Variants in KIRREL3 observed in about 807,000 individuals in gnomAD.
The protein encoded by KIRREL3 is kin of IRRE-like protein 3.
KIRREL3 carries 36 observed loss-of-function variants against 89.7 expected under a neutral mutation model. The observed-to-expected ratio is 0.40, with a 90% CI of 0.31 to 0.53. The LOEUF (loss-of-function observed/expected upper bound fraction) is 0.53. KIRREL3 is among the 20% of genes least tolerant of loss of function. The probability of loss-of-function intolerance (pLI) is 0.49; values close to 1 mark genes in which losing one functional copy is unlikely to be tolerated. For synonymous variants in KIRREL3, 445 were observed against 441.4 expected, an observed-to-expected ratio of 1.01 and a Z score of -0.10; for missense variants, 864 against 1,056.6, an observed-to-expected ratio of 0.82 and a Z score of 2.53.
Position 126,868,003 on chromosome 11 carries a change from T to A in KIRREL3, c.55+132452A>T, listed in dbSNP as rs1592250970. 2.1e-5 allele frequency among the ~76,000 whole-genome samples: 3 copies of A among 144,710 alleles called. No individual in the cohort carries two copies. The East Asian group carries it at 6.2e-4, about 30-fold the overall frequency. 94.9% of individuals were successfully genotyped at this position (144,710 alleles called of 152,430 possible). A position where few individuals can be genotyped will look rare whatever the true frequency, so the allele number is the denominator to read the frequency against. ...CCAGACAGCTCCCTGACTTGAGCAC[T>A]TCTCTCTCTTCCCATTATGGAAATG... is the stretch of plus-strand genomic sequence containing the variant. On this transcript the variant is annotated intron_variant, in intron 1 of 16. Coordinates refer to ENST00000525144, the MANE Select transcript of KIRREL3 (RefSeq NM_032531.4).
Position 126,642,163 on chromosome 11 carries a change from T to C in KIRREL3, c.56-79251A>G, listed in dbSNP as rs1457514413. ...AGGGGAGGGACCTCCAACAATCTTG[T>C]TAGTGCATCAAGTAATAGATTTTTG... On this transcript the variant is annotated intron_variant, in intron 1 of 16. Coordinates refer to ENST00000525144, the MANE Select transcript of KIRREL3 (RefSeq NM_032531.4). The surrounding 1 kb of genome is among the most constrained non-coding windows in gnomAD (Gnocchi z 4.9). Among the ~76,000 whole-genome samples the C allele has an allele frequency of 6.6e-6, 1 of 152,194 alleles. No homozygotes were observed. Among genetic ancestry groups the C allele is most frequent in the Non-Finnish European group, 1.5e-5 (1 of 68,018 alleles).
intron 1 of KIRREL3, among the ~76,000 whole-genome samples, chr11:126,874,166 C>T (rs190876078): frequency 6.0e-4 from 91 of 152,310 alleles, no homozygotes; most frequent in African/African-American, 2.1e-3. Context: ...TCCCCATTGG[C>T]ATTAGATCGA....
chr11:126,618,252 G>C (rs781582497), intron 1 of KIRREL3, among the ~76,000 whole-genome samples: 7 of 126,754 alleles, frequency 5.5e-5, no homozygotes, highest in Admixed American at 8.6e-5. Flanking sequence ...GGCCAGGGTG[G>C]TGCTAACTCA....
intron 1 of KIRREL3, among the ~76,000 whole-genome samples, chr11:126,916,384 G>A (rs1030614128): frequency 6.6e-6 from 1 of 152,112 alleles, no homozygotes; most frequent in Admixed American, 6.6e-5. Flanking sequence ...GTAGGCCAAG[G>A]GTGGGCCGCC....
chr11:126,440,582 G>C (rs1955525902), intron 10 of KIRREL3, 33 bp from the exon 11 acceptor site: 1 of 1,546,994 alleles, frequency 6.5e-7, no homozygotes, highest in East Asian at 2.4e-5. Context: ...TAGGCACCCG[G>C]GAAGGGCACG....
At position 126,788,167 on chromosome 11, in the gene KIRREL3, T is replaced by C. The variant is rs920455112; in HGVS notation, c.55+212288A>G. The stretch of plus-strand genomic sequence containing the variant: ...CATTGTGTGCAAAAAGAGTGGGTGA[T>C]GGAGTTGGGCTTGGGACAAATGCAC... On this transcript the variant is annotated intron_variant, in intron 1 of 16. Coordinates refer to ENST00000525144, the MANE Select transcript of KIRREL3 (RefSeq NM_032531.4). This position sits in a 1 kb window ranked among gnomAD's most constrained non-coding sequence, Gnocchi z 4.1. Among the ~76,000 whole-genome samples, 1 of 152,224 alleles carries C rather than the reference T, an allele frequency of 6.6e-6. No individual in the cohort carries two copies. Among genetic ancestry groups the C allele is most frequent in the Non-Finnish European group, 1.5e-5 (1 of 68,034 alleles).
At position 126,978,127 on chromosome 11, in the gene KIRREL3, G is replaced by C. The variant is rs1389117839; in HGVS notation, c.55+22328C>G. On this transcript the variant is annotated intron_variant, in intron 1 of 16. Coordinates refer to ENST00000525144, the MANE Select transcript of KIRREL3 (RefSeq NM_032531.4). This position sits in a 1 kb window ranked among gnomAD's most constrained non-coding sequence, Gnocchi z 4.2. ...CAGGGATAATGGTCAGCACATTGTG[G>C]CGTTGGATTTTTCTGCTACTTAAAT... 6.6e-6 allele frequency among the ~76,000 whole-genome samples: 1 copy of C among 152,146 alleles called. No homozygotes were observed.
In KIRREL3 at chr11:126,429,431, C is replaced by T. The variant is rs1366858905; in HGVS notation, c.1697-143G>A. ...TGAACTCAGCAGCTTCACCAGCCCCCCACCAATAGAACCTCCATATGGAGA... is the reference window on the plus strand; with the variant it reads ...TGAACTCAGCAGCTTCACCAGCCCCTCACCAATAGAACCTCCATATGGAGA... On this transcript the variant is annotated intron_variant, in intron 14 of 16. Coordinates refer to ENST00000525144, the MANE Select transcript of KIRREL3 (RefSeq NM_032531.4). The surrounding 1 kb of genome is among the most constrained non-coding windows in gnomAD (Gnocchi z 5.2). The T allele has an allele frequency of 1.5e-6, 1 of 652,866 alleles. No individual in the cohort carries two copies. The highest frequency in any genetic ancestry group is 2.8e-6 in the Non-Finnish European group (1 of 358,556). 40.4% of individuals were successfully genotyped at this position (652,866 alleles called of 1,614,324 possible). A position where few individuals can be genotyped will look rare whatever the true frequency, so the allele number is the denominator to read the frequency against.
intron 1 of KIRREL3, among the ~76,000 whole-genome samples, chr11:126,901,905 C>T (rs1940001): frequency 0.33 from 49,742 of 152,066 alleles, 8,253 homozygotes; most frequent in Admixed American, 0.43. Flanking sequence ...TCCTAGAGTT[C>T]GCAGCTAAAG....
At chr11:126,869,251 G>T (rs1286197622) in intron 1 of KIRREL3, among the ~76,000 whole-genome samples, 4 of 151,738 alleles carry the variant, frequency 2.6e-5, no homozygotes, top group Non-Finnish European at 4.4e-5. Flanking sequence ...GAGGGAGGTG[G>T]GGGAATGAAC....
At chr11:126,727,237 G>GGCCA (rs1948424321) in intron 1 of KIRREL3, among the ~76,000 whole-genome samples, 1 of 149,612 alleles carries the variant, frequency 6.7e-6, no homozygotes, top group African/African-American at 2.6e-5. Flanking sequence ...TCCCCTTGGA[G>GGCCA]GCCGGCTGGC....
chr11:126,442,577 G>A (rs1206913326), intron 10 of KIRREL3, among the ~76,000 whole-genome samples: 6 of 152,194 alleles, frequency 3.9e-5, no homozygotes, highest in African/African-American at 2.4e-5. Context: ...GGACTGCTGC[G>A]CTGGCCAGCA....
At chr11:126,818,339 T>G (rs1325882371) in intron 1 of KIRREL3, among the ~76,000 whole-genome samples, 1 of 152,128 alleles carries the variant, frequency 6.6e-6, no homozygotes, top group African/African-American at 2.4e-5. Context: ...AGGGAGGCAG[T>G]GTGGCAGAAT....
Position 126,997,930 on chromosome 11 carries a change from T to C in KIRREL3, c.55+2525A>G, listed in dbSNP as rs1950221126. ...AGGCCATCCCCTGGGTCTCTTCACA[T>C]TTCCTGGGAGAGGCATCCCAGCATG... On this transcript the variant is annotated intron_variant, in intron 1 of 16. Coordinates refer to ENST00000525144, the MANE Select transcript of KIRREL3 (RefSeq NM_032531.4). This position sits in a 1 kb window ranked among gnomAD's most constrained non-coding sequence, Gnocchi z 4.3. Among the ~76,000 whole-genome samples the C allele has an allele frequency of 6.6e-6, 1 of 152,142 alleles. No homozygotes were observed. Among genetic ancestry groups the C allele is most frequent in the Non-Finnish European group, 1.5e-5 (1 of 68,016 alleles).
At chr11:126,448,895 C>T (rs1056794508) in intron 8 of KIRREL3, 114 bp downstream of exon 8, 2 of 1,134,098 alleles carry the variant, frequency 1.8e-6, no homozygotes, top group African/African-American at 1.5e-5. Flanking sequence ...ATCCTACGCT[C>T]ATGACGCATG....
Position 126,868,082 on chromosome 11 carries a change from G to A in KIRREL3, c.55+132373C>T, listed in dbSNP as rs528897278. Among the ~76,000 whole-genome samples the A allele has an allele frequency of 1.1e-4, 16 of 149,012 alleles. No individual in the cohort carries two copies. In the East Asian group the frequency reaches 2.8e-3, roughly 26 times the overall value. On this transcript the variant is annotated intron_variant, in intron 1 of 16. Transcript: ENST00000525144. ...TGGGGGTGGGGGGTGGGTGTGAAGC[G>A]GGGGTGGGAGAGCATAGCCAGTTTG...
At position 126,797,808 on chromosome 11, in the gene KIRREL3, C is replaced by T. The variant is rs1950861064; in HGVS notation, c.55+202647G>A. On this transcript the variant is annotated intron_variant, in intron 1 of 16. Coordinates refer to ENST00000525144, the MANE Select transcript of KIRREL3 (RefSeq NM_032531.4). The surrounding 1 kb of genome is among the most constrained non-coding windows in gnomAD (Gnocchi z 4.9). ...ATTTTGTCCTTGTAAATCAGAAGCA[C>T]CGGGAGCAATTTATTTCTAAACATC... Among the ~76,000 whole-genome samples, 1 of 152,106 alleles carries T rather than the reference C, an allele frequency of 6.6e-6. No individual in the cohort carries two copies. Among genetic ancestry groups the T allele is most frequent in the Non-Finnish European group, 1.5e-5 (1 of 68,024 alleles).
chr11:126,716,978 G>T (rs943322751), intron 1 of KIRREL3, among the ~76,000 whole-genome samples: 6 of 152,096 alleles, frequency 3.9e-5, no homozygotes, highest in African/African-American at 1.4e-4. Context: ...GATTTGGTGC[G>T]TTTTTGACAG....
rs923393709 is a variant in KIRREL3, at chr11:126,628,064, A to G, written c.56-65152T>C. Among the ~76,000 whole-genome samples, 21 of 152,384 alleles carry G rather than the reference A, an allele frequency of 1.4e-4. No homozygotes were observed. Among genetic ancestry groups the G allele is most frequent in the African/African-American group, 5.0e-4 (21 of 41,590 alleles). ...CCTATACTATTCTGAAGGACAAGAA[A>G]TGCTAAATTTTACAGAAATCAAGCC... On this transcript the variant is annotated intron_variant, in intron 1 of 16. Transcript: ENST00000525144. The surrounding 1 kb of genome is among the most constrained non-coding windows in gnomAD (Gnocchi z 5.2).
Sources: gnomAD v4.1 joint callset for allele counts (sites outside exome capture counted in the v4.1 genomes callset) on GRCh38, gnomAD v4.1.1 for gene constraint, Gnocchi (gnomAD v3.1) non-coding constraint, MANE v1.5 for transcripts, NCBI Gene and HGNC (gene_info 2026-07-23, HGNC 2026-07-21) for gene names.